Variants in CRCP observed in about 807,000 individuals in gnomAD.
CRCP encodes the protein CGRP receptor component, also known as DNA-directed RNA polymerase III subunit RPC9.
In CRCP, 18 loss-of-function variants were observed where a neutral mutation model predicts 18.5. That is an observed-to-expected ratio of 0.97 (90% CI 0.67 to 1.44). The LOEUF (loss-of-function observed/expected upper bound fraction) is 1.44, where lower values mean the gene tolerates loss of function less well. Ranked by LOEUF, CRCP falls within the 40% of genes most tolerant of loss-of-function variation. The pLI is 0.00. For synonymous variants in CRCP, 53 were observed against 62.9 expected (o/e 0.84, Z 0.75); for missense variants, 130 against 176.4 (o/e 0.74, Z 1.49).
chr7:66,131,289 TTTA>T (rs2115936837), intron 3 of CRCP, among the ~76,000 whole-genome samples: 1 of 152,180 alleles, frequency 6.6e-6, no homozygotes, highest in South Asian at 2.1e-4. Flanking sequence ...TAACCTAATT[TTTA>T]TTCTGTTTAT....
At chr7:66,127,450 T>C (rs1019667654) in intron 1 of CRCP, among the ~76,000 whole-genome samples, 8 of 152,176 alleles carry the variant, frequency 5.3e-5, no homozygotes, top group Non-Finnish European at 7.4e-5. Flanking sequence ...CAATAGCTGA[T>C]GGGAGGCAGA....
At chr7:66,125,190 A>T (rs2115895506) in intron 1 of CRCP, among the ~76,000 whole-genome samples, 1 of 149,400 alleles carries the variant, frequency 6.7e-6, no homozygotes, top group South Asian at 2.1e-4. Flanking sequence ...CTCATGCGTC[A>T]CATCATTGGT....
At chr7:66,125,015 T>C (rs1244292409) in intron 1 of CRCP, among the ~76,000 whole-genome samples, 3 of 149,522 alleles carry the variant, frequency 2.0e-5, no homozygotes, top group East Asian at 4.0e-4. Flanking sequence ...TAGCTTCTTT[T>C]TGTGACATTG....
intron 3 of CRCP, among the ~76,000 whole-genome samples, chr7:66,132,802 C>T (rs1562765560): frequency 6.6e-6 from 1 of 151,624 alleles, no homozygotes; most frequent in African/African-American, 2.4e-5. Flanking sequence ...CCCAGCTACT[C>T]AGAGAGGCTG....
chr7:66,150,096 G>A (rs1464309858), intron 5 of CRCP, among the ~76,000 whole-genome samples: 3 of 150,066 alleles, frequency 2.0e-5, no homozygotes, highest in South Asian at 4.5e-4. Flanking sequence ...GTGAGCCACC[G>A]CACCCGGCCC....
At chr7:66,146,657 G>A (rs1385485152) in intron 5 of CRCP, among the ~76,000 whole-genome samples, 1 of 152,068 alleles carries the variant, frequency 6.6e-6, no homozygotes, top group African/African-American at 2.4e-5. Flanking sequence ...ATTGTTCATT[G>A]TCTTCCTAGG....
chr7:66,131,980 C>G (rs1787820125), intron 3 of CRCP, among the ~76,000 whole-genome samples: 1 of 152,242 alleles, frequency 6.6e-6, no homozygotes, highest in Non-Finnish European at 1.5e-5. Flanking sequence ...AGGCGGGTAT[C>G]AAACTCCCGA....
chr7:66,134,545 C>CTT (rs56013238), intron 4 of CRCP, 171 bp downstream of exon 4: 745 of 290,836 alleles, frequency 2.6e-3, no homozygotes, highest in East Asian at 0.01. Flanking sequence ...AGGAACAAAT[C>CTT]TTTTTTTTTT....
Position 66,125,309 on chromosome 7 carries a change from A to C in CRCP, c.9-2395A>C, listed in dbSNP as rs187693831. Among the ~76,000 whole-genome samples the C allele has an allele frequency of 1.4e-3, 202 of 149,362 alleles. 20 individuals are homozygous for C. The highest frequency in any genetic ancestry group is 2.2e-3 in the Non-Finnish European group (147 of 66,760). ...GGTTACAGTAACTTCTCAAAGATAAAAACTGCCTTTAAAAAAATTCCCCAA... is the reference window on the plus strand; with the variant it reads ...GGTTACAGTAACTTCTCAAAGATAACAACTGCCTTTAAAAAAATTCCCCAA... On this transcript the variant is annotated intron_variant, in intron 1 of 5. Transcript: ENST00000395326.
At chr7:66,151,566 C>T (rs990024328) in intron 5 of CRCP, among the ~76,000 whole-genome samples, 2 of 151,212 alleles carry the variant, frequency 1.3e-5, no homozygotes, top group African/African-American at 4.9e-5. Context: ...AGACTCTGTC[C>T]TGCCCCCCCA....
chr7:66,136,653 C>T (rs916174321), intron 4 of CRCP, among the ~76,000 whole-genome samples: 28 of 151,878 alleles, frequency 1.8e-4, no homozygotes, highest in Non-Finnish European at 4.0e-4. Context: ...TGTGAGCCAC[C>T]GTGCCTGGCC....
chr7:66,116,928 C>T (rs183959625), intron 1 of CRCP, among the ~76,000 whole-genome samples: 2 of 152,232 alleles, frequency 1.3e-5, no homozygotes, highest in East Asian at 3.9e-4. Context: ...TGAGACCAGC[C>T]TGGCCAACAT....
In CRCP at chr7:66,134,325, G is replaced by A. The variant is rs539531730; in HGVS notation, c.190G>A (p.Glu64Lys). The A allele has an allele frequency of 2.5e-6, 4 of 1,607,198 alleles. No individual in the cohort carries two copies. The highest frequency in any genetic ancestry group is 1.1e-5 in the South Asian group (1 of 90,702). ...SKTPCRHQSP[E>K]IVREFLTALK... ...AACACCATGCAGGCACCAGAGTCCT[G>A]AAATTGTCAGAGAATTTCTCACAGC... Residue 64 changes from glutamate to lysine, a missense_variant, in exon 4 of 6, where the codon GAA becomes AAA. By Grantham distance (56) the Glu-to-Lys change is moderately conservative. Coordinates refer to ENST00000395326, the MANE Select transcript of CRCP (RefSeq NM_014478.5).
intron 4 of CRCP, among the ~76,000 whole-genome samples, chr7:66,143,868 A>T (rs1366478257): frequency 2.6e-5 from 4 of 152,130 alleles, no homozygotes; most frequent in African/African-American, 9.7e-5. Flanking sequence ...CTCTGGAAAG[A>T]TTTTCATCCC....
intron 3 of CRCP, among the ~76,000 whole-genome samples, chr7:66,132,089 A>G (rs1385408155): frequency 1.3e-5 from 2 of 152,282 alleles, no homozygotes; most frequent in African/African-American, 4.8e-5. Context: ...AGTTGTAGAG[A>G]CAGTGCTGGG....
chr7:66,125,607 C>T (rs1257303729), intron 1 of CRCP, among the ~76,000 whole-genome samples: 2 of 149,100 alleles, frequency 1.3e-5, no homozygotes, highest in African/African-American at 4.8e-5. Context: ...GGGTTTTCCT[C>T]CTTTATATTC....
At chr7:66,133,948 T>C (rs1177327249) in intron 3 of CRCP, among the ~76,000 whole-genome samples, 1 of 141,590 alleles carries the variant, frequency 7.1e-6, no homozygotes. Context: ...AACCTCTGCC[T>C]CCCAGGTTCA....
At position 66,145,524 on chromosome 7, in the gene CRCP, G is replaced by A. The variant is rs745787676; in HGVS notation, c.297+24G>A. The A allele has an allele frequency of 6.2e-6, 10 of 1,613,326 alleles. No individual in the cohort carries two copies. In the South Asian group the frequency reaches 9.9e-5, roughly 16 times the overall value. On this transcript the variant is annotated intron_variant, in intron 5 of 5. Coordinates refer to ENST00000395326, the MANE Select transcript of CRCP (RefSeq NM_014478.5). ...TGGTGAGTGAAGGGCGCCTGTGCTG[G>A]GGAGGCTGCTGTGGGTCTGAGATGT... is the stretch of plus-strand genomic sequence containing the variant.
intron 1 of CRCP, chr7:66,126,641 G>C (rs1460837593): frequency 4.6e-6 from 2 of 430,126 alleles, no homozygotes; most frequent in Admixed American, 5.1e-5. Context: ...CCATTATGGA[G>C]ATGTTAATAC....
Sources: allele counts gnomAD v4.1 joint callset (sites outside exome capture counted in the v4.1 genomes callset), GRCh38; gene constraint gnomAD v4.1.1; transcripts MANE v1.5; gene names NCBI Gene and HGNC (gene_info 2026-07-23, HGNC 2026-07-21).